RERE: variants seen among roughly 807,000 people sequenced by gnomAD.
RERE encodes arginine-glutamic acid dipeptide repeats, also known as arginine-glutamic acid dipeptide repeats protein.
In RERE, 40 loss-of-function variants were observed where a neutral mutation model predicts 146.1. The ratio of observed to expected loss-of-function variants is 0.27; its 90% CI spans 0.21 to 0.36. The LOEUF is 0.36. Ranked by LOEUF, RERE falls within the 10% of genes least tolerant of loss-of-function variation. RERE has a pLI of 1.00. For missense variants in RERE, 1,933 were observed against 2,138.7 expected (o/e 0.90, Z 1.90); for synonymous variants, 1,003 against 866.0 (o/e 1.16, Z -2.78).
intron 11 of RERE, among the ~76,000 whole-genome samples, chr1:8,449,865 C>T (rs540236300): frequency 1.3e-5 from 2 of 152,246 alleles, no homozygotes; most frequent in South Asian, 4.1e-4. Flanking sequence ...GTATCATTTA[C>T]CCAGAATTAC....
At chr1:8,736,726 G>A (rs1204486931) in intron 1 of RERE, among the ~76,000 whole-genome samples, 1 of 151,828 alleles carries the variant, frequency 6.6e-6, no homozygotes, top group Non-Finnish European at 1.5e-5. Context: ...GGACAGTCAA[G>A]TAAAGTAAAA....
intron 10 of RERE, among the ~76,000 whole-genome samples, chr1:8,484,855 A>T (rs1048768170): frequency 6.6e-5 from 10 of 152,214 alleles, no homozygotes; most frequent in African/African-American, 2.4e-4. Context: ...AGAGACCAAC[A>T]TGTTTATTAC....
At position 8,471,381 on chromosome 1, in the gene RERE, T is replaced by C. The variant is rs370700717; in HGVS notation, c.1105-5358A>G. Among the ~76,000 whole-genome samples, 11 of 152,094 alleles carry C rather than the reference T, an allele frequency of 7.2e-5. No individual in the cohort carries two copies. The East Asian group carries it at 1.6e-3, about 22-fold the overall frequency. On this transcript the variant is annotated intron_variant, in intron 10 of 22. Transcript: ENST00000400908. ...ACACTGGAGTGCAGTGGCACGATCATGGCTCACTGCAGCCTCAATCTCCTG... is the reference window on the plus strand; with the variant it reads ...ACACTGGAGTGCAGTGGCACGATCACGGCTCACTGCAGCCTCAATCTCCTG...
At chr1:8,563,257 C>T (rs1482138900) in intron 4 of RERE, among the ~76,000 whole-genome samples, 1 of 152,260 alleles carries the variant, frequency 6.6e-6, no homozygotes, top group South Asian at 2.1e-4. Context: ...ATATCAGCCT[C>T]AGGGCAATGT....
chr1:8,416,607 A>AGAAAT, intron 12 of RERE, among the ~76,000 whole-genome samples: 1 of 151,744 alleles, frequency 6.6e-6, no homozygotes, highest in South Asian at 2.1e-4. Context: ...AAAAAAGAAA[A>AGAAAT]GAAAAGAAAA....
intron 11 of RERE, among the ~76,000 whole-genome samples, chr1:8,433,255 G>C (rs764374542): frequency 2.0e-4 from 31 of 152,132 alleles, no homozygotes; most frequent in Non-Finnish European, 4.4e-4. Flanking sequence ...CTTAACAATG[G>C]AACAGTCGTA....
chr1:8,779,038 G>A (rs1641118627), intron 1 of RERE, among the ~76,000 whole-genome samples: 1 of 150,904 alleles, frequency 6.6e-6, no homozygotes, highest in Non-Finnish European at 1.5e-5. Context: ...GTAGAGACGG[G>A]GTTTTGCCAT....
At chr1:8,503,297 A>G (rs1645206482) in intron 8 of RERE, among the ~76,000 whole-genome samples, 1 of 152,174 alleles carries the variant, frequency 6.6e-6, no homozygotes, top group African/African-American at 2.4e-5. Flanking sequence ...AACTGATACA[A>G]TCTCTGTGGA....
At chr1:8,440,829 G>A (rs1226968181) in intron 11 of RERE, among the ~76,000 whole-genome samples, 4 of 151,210 alleles carry the variant, frequency 2.6e-5, no homozygotes, top group East Asian at 1.9e-4. Context: ...CCCAGGAGGC[G>A]GAAGTTGCAG....
intron 1 of RERE, among the ~76,000 whole-genome samples, chr1:8,810,472 G>A (rs990410518): frequency 4.6e-5 from 7 of 152,256 alleles, no homozygotes; most frequent in Admixed American, 2.6e-4. Context: ...TAGGTGTGAT[G>A]GTGCATGCCT....
At chr1:8,437,605 C>A (rs1644188134) in intron 11 of RERE, among the ~76,000 whole-genome samples, 1 of 152,116 alleles carries the variant, frequency 6.6e-6, no homozygotes. Flanking sequence ...TTGTTTGGAA[C>A]AATAGCGCTC....
chr1:8,517,080 A>T (rs1350463568), intron 7 of RERE, among the ~76,000 whole-genome samples: 1 of 152,310 alleles, frequency 6.6e-6, no homozygotes. Context: ...ACACGCACAC[A>T]ATCTACTAAT....
At chr1:8,758,059 C>T (rs1385254714) in intron 1 of RERE, among the ~76,000 whole-genome samples, 2 of 151,778 alleles carry the variant, frequency 1.3e-5, no homozygotes, top group African/African-American at 4.8e-5. Context: ...TATGATCCCA[C>T]GTATATGCAG....
chr1:8,486,608 A>T (rs867436428), intron 10 of RERE, among the ~76,000 whole-genome samples: 3 of 152,050 alleles, frequency 2.0e-5, no homozygotes, highest in African/African-American at 7.2e-5. Flanking sequence ...GGTAGAAAAA[A>T]ATTAATAACG....
At chr1:8,384,633 G>T (rs1293445662) in intron 12 of RERE, among the ~76,000 whole-genome samples, 1 of 152,214 alleles carries the variant, frequency 6.6e-6, no homozygotes, top group Non-Finnish European at 1.5e-5. Context: ...TGTCACATAT[G>T]ATCTGGATCA....
chr1:8,418,431 T>C (rs562662478), intron 12 of RERE, among the ~76,000 whole-genome samples: 1 of 152,322 alleles, frequency 6.6e-6, no homozygotes, highest in African/African-American at 2.4e-5. Flanking sequence ...GCTACCAAGC[T>C]GGGGTAGATC....
In RERE at chr1:8,360,538, A is replaced by C; in HGVS notation, c.2969T>G (p.Leu990Arg). Residue 990 changes from leucine (L) to arginine (R), a missense_variant, in exon 18 of 23, where the codon CTC (leucine) becomes CGC (arginine). Coordinates refer to ENST00000400908, the MANE Select transcript of RERE (RefSeq NM_001042681.2). ...GGGCAATGGCTGGCTCTGAGGCATG[A>C]GTTGCAGGGGTGGGGGGTGAGCCGA... The part of the protein sequence containing the change: ...PPSAHPPPLQ[L>R]MPQSQPLPSS... The C allele has an allele frequency of 1.4e-6, 1 of 735,116 alleles. No homozygotes were observed. The allele number at this position is 735,116 out of a possible 1,614,324, so 45.5% of individuals were successfully genotyped here.
intron 2 of RERE, among the ~76,000 whole-genome samples, chr1:8,654,630 GTTTT>G (rs978497523): frequency 7.1e-6 from 1 of 140,356 alleles, no homozygotes; most frequent in Non-Finnish European, 1.6e-5. Context: ...ATCTTGTTTT[GTTTT>G]TTTTTGTTTT....
In RERE at chr1:8,656,364, G is replaced by T; in HGVS notation, c.-67C>A. 1.3e-6 allele frequency: 2 copies of T among 1,516,286 alleles called. No individual in the cohort carries two copies. Among genetic ancestry groups the T allele is most frequent in the Non-Finnish European group, 1.8e-6 (2 of 1,135,980 alleles). The allele number at this position is 1,516,286 out of a possible 1,614,324, so 93.9% of individuals were successfully genotyped here. A position where few individuals can be genotyped will look rare whatever the true frequency, so the allele number is the denominator to read the frequency against. On this transcript the variant is annotated 5_prime_UTR_variant, in exon 2 of 23. Transcript: ENST00000400908. ...TCCGTGAAAGGTAGACAGTAAGCCTGGGCTTCAGTCTTCTGAATTTCTCAC... is the reference window on the plus strand; with the variant it reads ...TCCGTGAAAGGTAGACAGTAAGCCTTGGCTTCAGTCTTCTGAATTTCTCAC...
Sources: allele counts gnomAD v4.1 joint callset (sites outside exome capture counted in the v4.1 genomes callset), GRCh38; gene constraint gnomAD v4.1.1; transcripts MANE v1.5; gene names NCBI Gene and HGNC (gene_info 2026-07-23, HGNC 2026-07-21).